Variants in FCHO2 observed in about 807,000 individuals in gnomAD.
FCHO2 encodes FCH and mu domain containing endocytic adaptor 2.
Under a neutral mutation model 114.1 loss-of-function variants are expected in FCHO2, and 43 were observed. That is an observed-to-expected ratio of 0.38 (90% CI 0.30 to 0.49). FCHO2 has a LOEUF of 0.49. FCHO2 is among the 20% of genes least tolerant of loss of function. The probability of loss-of-function intolerance (pLI) is 0.97; values close to 1 mark genes in which losing one functional copy is unlikely to be tolerated. For synonymous variants in FCHO2, 293 were observed against 315.2 expected (o/e 0.93, Z 0.75); for missense variants, 807 against 950.4 (o/e 0.85, Z 1.98).
chr5:73,034,491 G>A (rs1756393613), intron 8 of FCHO2, 166 bp from the exon 9 acceptor site: 1 of 483,962 alleles, frequency 2.1e-6, no homozygotes, highest in Non-Finnish European at 3.6e-6. Flanking sequence ...AAAATTTATT[G>A]CTGATATTTT....
intron 1 of FCHO2, among the ~76,000 whole-genome samples, chr5:72,960,332 TACAGA>T (rs1011725045): frequency 6.6e-6 from 1 of 152,228 alleles, no homozygotes; most frequent in Non-Finnish European, 1.5e-5. Flanking sequence ...CAAAACCTTT[TACAGA>T]ACAGGTGTTT....
In FCHO2 at chr5:73,017,175, GGAAAAA is replaced by G. The variant is rs541677091; in HGVS notation, c.700-29_700-24del. On this transcript the variant is annotated intron_variant, in intron 7 of 25. Transcript: ENST00000430046. ...TTTATCTGAAATACACTAAGAATGT[GGAAAAA>G]GAAAAAGTTATCTTTATTTCATTTT... 1,275 of 1,222,684 alleles carry G rather than the reference GGAAAAA, an allele frequency of 1.0e-3. 6 individuals carry two copies. The highest frequency in any genetic ancestry group is 4.1e-3 in the Middle Eastern group (18 of 4,386). The allele number at this position is 1,222,684 out of a possible 1,614,324, so 75.7% of individuals were successfully genotyped here. A position where few individuals can be genotyped will look rare whatever the true frequency, so the allele number is the denominator to read the frequency against.
intron 1 of FCHO2, among the ~76,000 whole-genome samples, chr5:72,956,384 C>A (rs1173020352): frequency 1.3e-5 from 2 of 151,634 alleles, no homozygotes; most frequent in Non-Finnish European, 2.9e-5. Context: ...GCCACCGGGG[C>A]TGGGACAAAG....
intron 3 of FCHO2, 86 bp from the exon 4 acceptor site, chr5:72,990,392 A>G: frequency 2.0e-6 from 2 of 1,020,600 alleles, no homozygotes; most frequent in South Asian, 1.7e-5. Context: ...CATATATACC[A>G]CTATTATTTC....
chr5:72,997,106 C>A, intron 5 of FCHO2: 1 of 1,182,054 alleles, frequency 8.5e-7, no homozygotes, highest in Non-Finnish European at 1.3e-6. Flanking sequence ...GATCATGGTG[C>A]TGGATCCGGA....
intron 19 of FCHO2, among the ~76,000 whole-genome samples, chr5:73,073,188 T>G (rs1035074685): frequency 6.6e-6 from 1 of 152,058 alleles, no homozygotes; most frequent in African/African-American, 2.4e-5. Context: ...ACCTAACTGC[T>G]CTCACCTGAT....
chr5:73,045,094 T>C (rs1041326158), intron 11 of FCHO2, among the ~76,000 whole-genome samples: 21 of 152,246 alleles, frequency 1.4e-4, no homozygotes, highest in Non-Finnish European at 1.5e-5. Context: ...AGATGGTGTA[T>C]GTAACAGTAC....
At chr5:73,041,259 T>G in intron 10 of FCHO2, 32 bp from the exon 11 acceptor site, 1 of 1,401,524 alleles carries the variant, frequency 7.1e-7, no homozygotes, top group Non-Finnish European at 1.0e-6. Flanking sequence ...CAATTCTAAT[T>G]ATTGAGTATT....
chr5:73,029,801 GC>G (rs1309207094), intron 8 of FCHO2, among the ~76,000 whole-genome samples: 1 of 152,018 alleles, frequency 6.6e-6, no homozygotes, highest in Admixed American at 6.6e-5. Context: ...AAATAACTTA[GC>G]GAGAACACAC....
At chr5:72,956,228 C>A in intron 1 of FCHO2, 99 bp downstream of exon 1, 2 of 1,467,940 alleles carry the variant, frequency 1.4e-6, no homozygotes, top group East Asian at 2.8e-5. Context: ...GCGGCCCCTC[C>A]GGCAGGGCGA....
At chr5:72,969,431 T>C (rs1383955680) in intron 2 of FCHO2, among the ~76,000 whole-genome samples, 3 of 152,194 alleles carry the variant, frequency 2.0e-5, no homozygotes, top group Non-Finnish European at 4.4e-5. Flanking sequence ...CTCCCTCCTC[T>C]CTACTGGAAT....
rs113936241 is a variant in FCHO2 at position 72,997,305 on chromosome 5, C to A, written c.495+6441C>A. 5.0e-5 allele frequency: 77 copies of A among 1,543,762 alleles called. No individual in the cohort carries two copies. The African/African-American group carries it at 9.1e-4, about 18-fold the overall frequency. ...TGGTGGGAGCTGGTAGTGTTTATAG[C>A]AAGCATGGAGATCTATGGCTCTGCT... is the stretch of plus-strand genomic sequence containing the variant. On this transcript the variant is annotated intron_variant, in intron 5 of 25. Transcript: ENST00000430046.
At chr5:73,065,583 A>G (rs992939593) in intron 18 of FCHO2, among the ~76,000 whole-genome samples, 1 of 152,098 alleles carries the variant, frequency 6.6e-6, no homozygotes, top group Non-Finnish European at 1.5e-5. Context: ...GACTTAAATG[A>G]GTTAATACAT....
chr5:73,051,356 C>A lies in FCHO2; in HGVS notation c.947C>A (p.Pro316His). The A allele has an allele frequency of 6.5e-7, 1 of 1,528,916 alleles. No homozygotes were observed. Among genetic ancestry groups the A allele is most frequent in the Non-Finnish European group, 8.8e-7 (1 of 1,130,644 alleles). The allele number at this position is 1,528,916 out of a possible 1,614,324, so 94.7% of individuals were successfully genotyped here. A position where few individuals can be genotyped will look rare whatever the true frequency, so the allele number is the denominator to read the frequency against. ...ECPDADSLNI[P>H]DVDEEGYSIK... Reference sequence around the variant, plus strand: ...TTTTTCTTTTTCCCTTAGAACATTCCTGATGTAGATGAAGAAGGCTACAGT... The same window carrying A: ...TTTTTCTTTTTCCCTTAGAACATTCATGATGTAGATGAAGAAGGCTACAGT... Residue 316 changes from proline (P) to histidine (H), a missense_variant, in exon 12 of 26, where the codon CCT becomes CAT. Physicochemically the swap from Pro to His is moderately conservative, Grantham distance 77. Transcript: ENST00000430046.
chr5:72,994,799 T>G (rs1295393107), intron 5 of FCHO2, among the ~76,000 whole-genome samples: 2 of 152,210 alleles, frequency 1.3e-5, no homozygotes, highest in Admixed American at 6.5e-5. Flanking sequence ...AGAATGAGAT[T>G]ATATCTTTTG....
At chr5:72,982,936 C>G (rs1322308912) in intron 2 of FCHO2, among the ~76,000 whole-genome samples, 3 of 96,506 alleles carry the variant, frequency 3.1e-5, no homozygotes, top group African/African-American at 8.4e-5. Context: ...TTTTTTCAGA[C>G]AGAGTATCTC....
At chr5:72,983,970 C>T (rs1218689237) in intron 2 of FCHO2, among the ~76,000 whole-genome samples, 1 of 151,968 alleles carries the variant, frequency 6.6e-6, no homozygotes, top group African/African-American at 2.4e-5. Flanking sequence ...AAGAATTTTC[C>T]AAGGTGGTTG....
chr5:73,037,097 A>T (rs1459439742), intron 9 of FCHO2, 46 bp from the exon 10 acceptor site: 3 of 1,321,152 alleles, frequency 2.3e-6, no homozygotes, highest in Non-Finnish European at 3.1e-6. Flanking sequence ...TAATATGTTT[A>T]TCAGGAATGT....
In FCHO2 at chr5:73,015,689, A is replaced by C. The variant is rs1256739223; in HGVS notation, c.664A>C (p.Asn222His). 6.3e-7 allele frequency: 1 copy of C among 1,584,450 alleles called. No homozygotes were observed. Among genetic ancestry groups the C allele is most frequent in the Non-Finnish European group, 8.5e-7 (1 of 1,170,630 alleles). The change falls in exon 7 of 26, where the codon AAT (asparagine) becomes CAT (histidine). Residue 222 changes from asparagine to histidine, a missense_variant. By Grantham distance (68) the Asn-to-His change is moderately conservative. Transcript: ENST00000430046. Reference sequence around the variant, plus strand: ...AAAGGAAATTATAGGATCCTTGTCAAATGCTATAAAGGAAATTCATTTGCA... The same window carrying C: ...AAAGGAAATTATAGGATCCTTGTCACATGCTATAAAGGAAATTCATTTGCA... ...HIKEIIGSLSNAIKEIHLQIG... is the reference protein window; with the variant it reads ...HIKEIIGSLSHAIKEIHLQIG...
Sources: gnomAD v4.1 joint callset for allele counts (sites outside exome capture counted in the v4.1 genomes callset) on GRCh38, gnomAD v4.1.1 for gene constraint, MANE v1.5 for transcripts, NCBI Gene and HGNC (gene_info 2026-07-23, HGNC 2026-07-21) for gene names.